The following FAM120C variants were observed in gnomAD, a reference collection of about 807,000 sequenced individuals.
The protein encoded by FAM120C is family with sequence similarity 120 member C.
A neutral mutation model predicts 71.2 loss-of-function variants in FAM120C; 14 were observed. The ratio of observed to expected loss-of-function variants is 0.20; its 90% confidence interval spans 0.13 to 0.31. The LOEUF is 0.31. Ranked by LOEUF, FAM120C falls within the 10% of genes least tolerant of loss-of-function variation. The pLI is 1.00. For synonymous variants in FAM120C, 354 were observed against 353.2 expected, an observed-to-expected ratio of 1.00 and a Z score of -0.03; for missense variants, 500 against 879.0, an observed-to-expected ratio of 0.57 and a Z score of 5.45.
At chrX:54,089,724 G>A (rs190371098) in intron 11 of FAM120C, among the ~76,000 whole-genome samples, 1 of 111,114 alleles carries the variant, frequency 9.0e-6, no homozygotes. Context: ...CACTTTGGGA[G>A]GTCAAGGTGG....
chrX:54,155,444 G>A (rs2067204773), intron 3 of FAM120C, among the ~76,000 whole-genome samples: 1 of 111,642 alleles, frequency 9.0e-6, no homozygotes, highest in Non-Finnish European at 1.9e-5. Flanking sequence ...CTGCTGACTG[G>A]TCAAGTAAAA....
chrX:54,073,432 T>A, intron 15 of FAM120C, 145 bp from the exon 16 acceptor site: 9 of 497,451 alleles, frequency 1.8e-5, no homozygotes, highest in Non-Finnish European at 2.1e-5. Context: ...ACTAGTACAA[T>A]CTTTTTTTTT....
chrX:54,112,583 T>C (rs1557125906), intron 10 of FAM120C, among the ~76,000 whole-genome samples: 1 of 111,356 alleles, frequency 9.0e-6, no homozygotes, highest in Non-Finnish European at 1.9e-5. Context: ...GGCTCATGCC[T>C]GTAATCCCAG....
At chrX:54,113,510 G>A (rs1456999389) in intron 10 of FAM120C, among the ~76,000 whole-genome samples, 3 of 109,930 alleles carry the variant, frequency 2.7e-5, no homozygotes, top group Non-Finnish European at 5.7e-5. Context: ...TAGACAAAGG[G>A]GCATAAATGA....
At chrX:54,179,206 G>A (rs1313674213) in intron 1 of FAM120C, among the ~76,000 whole-genome samples, 1 of 112,070 alleles carries the variant, frequency 8.9e-6, no homozygotes, top group Non-Finnish European at 1.9e-5. Flanking sequence ...AATACACACT[G>A]GATCTTTTCA....
chrX:54,129,565 A>G (rs1436000905), intron 9 of FAM120C, among the ~76,000 whole-genome samples: 1 of 105,984 alleles, frequency 9.4e-6, no homozygotes, highest in Non-Finnish European at 2.0e-5. Context: ...GGCTCCTCAC[A>G]TCCCAGACGA....
chrX:54,155,234 T>G (rs1331640312), intron 3 of FAM120C, among the ~76,000 whole-genome samples: 1 of 108,857 alleles, frequency 9.2e-6, no homozygotes, highest in Non-Finnish European at 1.9e-5. Context: ...ATAAAACAAA[T>G]CAGAAAAGAA....
Position 54,150,458 on chromosome X carries a change from G to A in FAM120C, c.1158+787C>T, listed in dbSNP as rs1000870847. On this transcript the variant is annotated intron_variant, in intron 4 of 15. Coordinates refer to ENST00000375180, the MANE Select transcript of FAM120C (RefSeq NM_017848.6). ...TTAAGTTGAACCAACGTTAAGTCAG[G>A]GATCATGTGTACATTTTTAAAAATT... is the stretch of plus-strand genomic sequence containing the variant. Among the ~76,000 whole-genome samples the A allele has an allele frequency of 6.3e-5, 7 of 111,678 alleles. 1 individual carries two copies. In the South Asian group the frequency reaches 2.6e-3, roughly 42 times the overall value.
At chrX:54,102,201 GTT>G (rs1320406398) in intron 10 of FAM120C, among the ~76,000 whole-genome samples, 1 of 107,049 alleles carries the variant, frequency 9.3e-6, no homozygotes, top group Non-Finnish European at 1.9e-5. Context: ...TGCCTGGCTT[GTT>G]TGTTTTTTGT....
chrX:54,136,671 A>C, intron 4 of FAM120C, 81 bp from the exon 5 acceptor site: 1 of 698,012 alleles, frequency 1.4e-6, no homozygotes. Flanking sequence ...GGGAATCAAA[A>C]TAATTATCAG....
chrX:54,107,894 T>A (rs781883615), intron 10 of FAM120C, among the ~76,000 whole-genome samples: 13 of 95,071 alleles, frequency 1.4e-4, no homozygotes, highest in Non-Finnish European at 2.7e-4. Flanking sequence ...TTAGTATATA[T>A]TGGGGATCTA....
chrX:54,182,497 C>T lies in FAM120C; in HGVS notation c.699+3G>A. ...ATTATTTAAGATCCGGCCCCTCCCT[C>T]ACCTTGACCCGGAAGCGGATGAGTG... On this transcript the variant is annotated splice_donor_region_variant and intron_variant, in intron 1 of 15. Transcript: ENST00000375180. 8.3e-7 allele frequency: 1 copy of T among 1,204,986 alleles called. No individual in the cohort carries two copies. The highest frequency in any genetic ancestry group is 1.1e-6 in the Non-Finnish European group (1 of 892,048).
chrX:54,117,146 C>T (rs1392154982), intron 9 of FAM120C, among the ~76,000 whole-genome samples: 2 of 107,572 alleles, frequency 1.9e-5, no homozygotes, highest in African/African-American at 6.8e-5. Flanking sequence ...ATCGCTTGAG[C>T]CCAGGAGTAC....
At chrX:54,110,236 T>C (rs1413544641) in intron 10 of FAM120C, among the ~76,000 whole-genome samples, 1 of 108,339 alleles carries the variant, frequency 9.2e-6, no homozygotes, top group Non-Finnish European at 1.9e-5. Flanking sequence ...GATCTGCCCA[T>C]CTCGGCCTCC....
At position 54,144,789 on chromosome X, in the gene FAM120C, T is replaced by C. The variant is rs1204412613; in HGVS notation, c.1158+6456A>G. Among the ~76,000 whole-genome samples the C allele has an allele frequency of 1.5e-4, 17 of 111,866 alleles. 1 individual carries two copies. The Admixed American group carries it at 1.6e-3, about 11-fold the overall frequency. ...CCATCCCCATCAAGCTACCAATGACTTTCTTCACAGAATTGGAAAAAACTA... is the reference window on the plus strand; with the variant it reads ...CCATCCCCATCAAGCTACCAATGACCTTCTTCACAGAATTGGAAAAAACTA... On this transcript the variant is annotated intron_variant, in intron 4 of 15. Coordinates refer to ENST00000375180, the MANE Select transcript of FAM120C (RefSeq NM_017848.6).
intron 9 of FAM120C, among the ~76,000 whole-genome samples, chrX:54,128,933 C>G (rs1474736132): frequency 1.8e-5 from 2 of 110,785 alleles, no homozygotes; most frequent in Non-Finnish European, 3.8e-5. Flanking sequence ...TCCCCCTTTT[C>G]TATTCCACAA....
At chrX:54,155,185 C>T (rs191104629) in intron 3 of FAM120C, among the ~76,000 whole-genome samples, 2 of 111,399 alleles carry the variant, frequency 1.8e-5, no homozygotes, top group Admixed American at 1.9e-4. Context: ...GGCTGGGCAA[C>T]AGAATGAGAC....
chrX:54,180,525 AAAGT>A (rs2067342822), intron 1 of FAM120C, among the ~76,000 whole-genome samples: 1 of 112,595 alleles, frequency 8.9e-6, no homozygotes, highest in African/African-American at 3.2e-5. Context: ...CTCAAATAAA[AAAGT>A]AAGTGAATGA....
At chrX:54,177,497 CACAGCTTCTGGCTTGAAACTGATGAAAG>C (rs2067324962) in intron 1 of FAM120C, among the ~76,000 whole-genome samples, 2 of 111,025 alleles carry the variant, frequency 1.8e-5, no homozygotes, top group African/African-American at 6.6e-5. Flanking sequence ...TTGAGGACTC[CACAGCTTCTGGCTTGAAACTGATGAAAG>C]ACACCATTCA....
Sources: gnomAD v4.1 joint callset for allele counts (sites outside exome capture counted in the v4.1 genomes callset) on GRCh38, gnomAD v4.1.1 for gene constraint, MANE v1.5 for transcripts, NCBI Gene and HGNC (gene_info 2026-07-23, HGNC 2026-07-21) for gene names.